FAM168B: variants seen among roughly 807,000 people sequenced by gnomAD.
The protein encoded by FAM168B is myelin-associated neurite-outgrowth inhibitor.
A neutral mutation model predicts 21.8 loss-of-function variants in FAM168B; 19 were observed. The ratio of observed to expected loss-of-function variants is 0.87; its 90% CI spans 0.61 to 1.28. The LOEUF is 1.28. Ranked by LOEUF, FAM168B falls within the 50% of genes most tolerant of loss-of-function variation. The probability of loss-of-function intolerance (pLI) is 0.00; values close to 1 mark genes in which losing one functional copy is unlikely to be tolerated. For synonymous variants in FAM168B, 126 were observed against 104.8 expected, an observed-to-expected ratio of 1.20 and a Z score of -1.24; for missense variants, 233 against 263.1, an observed-to-expected ratio of 0.89 and a Z score of 0.79.
chr2:131,071,777 C>T (rs1692881401), intron 3 of FAM168B, 78 bp downstream of exon 3: 2 of 1,238,836 alleles, frequency 1.6e-6, no homozygotes, highest in Non-Finnish European at 2.4e-6. Flanking sequence ...TAATTCTATA[C>T]CCACCCCTCT....
rs376477712 is a variant in FAM168B, at chr2:131,070,140, A to G, written c.154+1715T>C. Among the ~76,000 whole-genome samples, 344 of 152,268 alleles carry G rather than the reference A, an allele frequency of 2.3e-3. 1 individual carries two copies. Among genetic ancestry groups the G allele is most frequent in the South Asian group, 3.9e-3 (19 of 4,822 alleles). On this transcript the variant is annotated intron_variant, in intron 3 of 6. Coordinates refer to ENST00000389915, the MANE Select transcript of FAM168B (RefSeq NM_001009993.4). The stretch of plus-strand genomic sequence containing the variant: ...CCAAATTGCTGGGATTACAGACGTG[A>G]GCCACCGCGCCCAGCCTAAACTTTT...
Position 131,051,904 on chromosome 2 carries a change from A to G in FAM168B, c.*561T>C. The stretch of plus-strand genomic sequence containing the variant: ...CCAGGACAGTCAGTGCCAAAGAAAC[A>G]GGTCGCTGAAAACTAAAATGTCCAC... On this transcript the variant is annotated 3_prime_UTR_variant, in exon 7 of 7. Coordinates refer to ENST00000389915, the MANE Select transcript of FAM168B (RefSeq NM_001009993.4). 2.0e-6 allele frequency: 2 copies of G among 985,480 alleles called. No homozygotes were observed. The highest frequency in any genetic ancestry group is 2.4e-6 in the Non-Finnish European group (2 of 829,942). 61.0% of individuals were successfully genotyped at this position (985,480 alleles called of 1,614,324 possible). A position where few individuals can be genotyped will look rare whatever the true frequency, so the allele number is the denominator to read the frequency against.
At chr2:131,053,204 G>T (rs2105453669) in intron 5 of FAM168B, among the ~76,000 whole-genome samples, 189 bp from the exon 6 acceptor site, 1 of 152,324 alleles carries the variant, frequency 6.6e-6, no homozygotes, top group East Asian at 1.9e-4. Flanking sequence ...CACACAGCAA[G>T]CTCCACAGAC....
At chr2:131,058,907 A>G (rs1339811069) in intron 3 of FAM168B, among the ~76,000 whole-genome samples, 3 of 152,212 alleles carry the variant, frequency 2.0e-5, no homozygotes, top group Non-Finnish European at 4.4e-5. Context: ...CTTTAATTAT[A>G]AAGAAAAAGG....
chr2:131,060,668 G>GA (rs2105480508), intron 3 of FAM168B, among the ~76,000 whole-genome samples: 1 of 152,262 alleles, frequency 6.6e-6, no homozygotes, highest in East Asian at 1.9e-4. Context: ...ACTCATGTTA[G>GA]GGAGGGCTAC....
Position 131,050,023 on chromosome 2 carries a change from G to A in FAM168B, c.*2442C>T, listed in dbSNP as rs113739814. 247 of 985,478 alleles carry A rather than the reference G, an allele frequency of 2.5e-4. 2 individuals are homozygous for A. Among genetic ancestry groups the A allele is most frequent in the South Asian group, 1.7e-3 (37 of 21,294 alleles). The allele number at this position is 985,478 out of a possible 1,614,324, so 61.0% of individuals were successfully genotyped here. A position where few individuals can be genotyped will look rare whatever the true frequency, so the allele number is the denominator to read the frequency against. The stretch of plus-strand genomic sequence containing the variant: ...AAGTCAGAAAGATTTCTGCACGGAT[G>A]TGCAATGCAAACTTATTTCATAAAG... On this transcript the variant is annotated 3_prime_UTR_variant, in exon 7 of 7. Coordinates refer to ENST00000389915, the MANE Select transcript of FAM168B (RefSeq NM_001009993.4).
At chr2:131,052,597 A>T (rs1691748219) in intron 6 of FAM168B, 145 bp from the exon 7 acceptor site, 1 of 739,364 alleles carries the variant, frequency 1.4e-6, no homozygotes, top group South Asian at 2.9e-5. Flanking sequence ...TCCTTCCTAG[A>T]GACCCCCAAT....
chr2:131,084,677 A>C (rs1223918592), intron 1 of FAM168B, among the ~76,000 whole-genome samples: 2 of 152,016 alleles, frequency 1.3e-5, no homozygotes, highest in African/African-American at 4.8e-5. Context: ...TCCCCAACAG[A>C]AGTACTGTTG....
At chr2:131,059,783 T>C (rs1345945373) in intron 3 of FAM168B, among the ~76,000 whole-genome samples, 2 of 152,144 alleles carry the variant, frequency 1.3e-5, no homozygotes, top group African/African-American at 4.8e-5. Flanking sequence ...ACAATCTCAG[T>C]AGTGATAAAA....
chr2:131,082,403 T>G (rs1693468682), intron 2 of FAM168B, among the ~76,000 whole-genome samples, 174 bp downstream of exon 2: 1 of 152,302 alleles, frequency 6.6e-6, no homozygotes, highest in South Asian at 2.1e-4. Context: ...CTGGAGCCAC[T>G]AGATCAAGTT....
intron 2 of FAM168B, among the ~76,000 whole-genome samples, chr2:131,076,124 G>T (rs575786192): frequency 2.7e-4 from 41 of 152,268 alleles, no homozygotes; most frequent in Non-Finnish European, 4.4e-4. Flanking sequence ...GCTGGTCTCG[G>T]GTGCACCAGC....
At chr2:131,082,278 C>T (rs954442601) in intron 2 of FAM168B, among the ~76,000 whole-genome samples, 15 of 152,156 alleles carry the variant, frequency 9.9e-5, no homozygotes, top group Admixed American at 6.5e-4. Context: ...TGGGAGGGGC[C>T]TGAACTTCAG....
intron 5 of FAM168B, among the ~76,000 whole-genome samples, chr2:131,053,977 G>T (rs1691854023): frequency 6.6e-6 from 1 of 152,188 alleles, no homozygotes; most frequent in Non-Finnish European, 1.5e-5. Context: ...GCCGAGGCAG[G>T]TGGATCACCT....
chr2:131,058,145 A>C (rs1692117316), intron 3 of FAM168B, among the ~76,000 whole-genome samples: 3 of 152,138 alleles, frequency 2.0e-5, no homozygotes, highest in Admixed American at 6.6e-5. Context: ...CCTGGTCCAT[A>C]TATTTTGTTT....
At chr2:131,057,221 A>G (rs1036458152) in intron 3 of FAM168B, among the ~76,000 whole-genome samples, 2 of 152,222 alleles carry the variant, frequency 1.3e-5, no homozygotes, top group African/African-American at 4.8e-5. Context: ...CAGGTCCACG[A>G]AAGACTTGTA....
In FAM168B at chr2:131,049,291, C is replaced by T; in HGVS notation, c.*3174G>A. 1.0e-6 allele frequency: 1 copy of T among 985,534 alleles called. No homozygotes were observed. Among genetic ancestry groups the T allele is most frequent in the Non-Finnish European group, 1.2e-6 (1 of 830,016 alleles). The allele number at this position is 985,534 out of a possible 1,614,324, so 61.0% of individuals were successfully genotyped here. A position where few individuals can be genotyped will look rare whatever the true frequency, so the allele number is the denominator to read the frequency against. On this transcript the variant is annotated 3_prime_UTR_variant, in exon 7 of 7. Transcript: ENST00000389915. Reference sequence around the variant, plus strand: ...CCCAGCTGGGGAAGGGCAAGACACTCACTGACCAGGTGCCCACCCCAAGGC... The same window carrying T: ...CCCAGCTGGGGAAGGGCAAGACACTTACTGACCAGGTGCCCACCCCAAGGC...
intron 3 of FAM168B, among the ~76,000 whole-genome samples, chr2:131,058,123 T>C (rs867134693): frequency 1.0e-5 from 1 of 100,128 alleles, no homozygotes; most frequent in African/African-American, 6.2e-5. Context: ...TGAGCCTGTA[T>C]ATATATATGT....
chr2:131,088,814 C>A lies in FAM168B; in HGVS notation c.-12+4400G>T, dbSNP rs13003427. Among the ~76,000 whole-genome samples, 313 of 152,268 alleles carry A rather than the reference C, an allele frequency of 2.1e-3. 1 individual carries two copies. Among genetic ancestry groups the A allele is most frequent in the Non-Finnish European group, 3.3e-3 (227 of 68,012 alleles). On this transcript the variant is annotated intron_variant, in intron 1 of 6. Coordinates refer to ENST00000389915, the MANE Select transcript of FAM168B (RefSeq NM_001009993.4). ...GCACTGTACTGCCGCATTTTCAATTCTGCATAATGCAAAACTAAAGAAAAA... is the reference window on the plus strand; with the variant it reads ...GCACTGTACTGCCGCATTTTCAATTATGCATAATGCAAAACTAAAGAAAAA...
chr2:131,081,024 G>A (rs1693407219), intron 2 of FAM168B, among the ~76,000 whole-genome samples: 1 of 152,128 alleles, frequency 6.6e-6, no homozygotes, highest in Non-Finnish European at 1.5e-5. Flanking sequence ...AAGAGCTCCA[G>A]ATGTTTCTTT....
Sources: gnomAD v4.1 joint callset for allele counts (sites outside exome capture counted in the v4.1 genomes callset) on GRCh38, gnomAD v4.1.1 for gene constraint, MANE v1.5 for transcripts, NCBI Gene and HGNC (gene_info 2026-07-23, HGNC 2026-07-21) for gene names.